The following TRAF1 variants were observed in gnomAD, a reference collection of about 807,000 sequenced individuals.
The protein encoded by TRAF1 is TNF receptor-associated factor 1.
A neutral mutation model predicts 40.9 loss-of-function variants in TRAF1; 23 were observed. That is an observed-to-expected ratio of 0.56 (90% CI 0.40 to 0.80). TRAF1 has a LOEUF of 0.80. TRAF1 is among the 30% of genes least tolerant of loss of function. The pLI, the probability that TRAF1 is intolerant of heterozygous loss-of-function variation, is 0.00. For missense variants in TRAF1, 477 were observed against 528.7 expected (o/e 0.90, Z 0.96); for synonymous variants, 206 against 218.8 (o/e 0.94, Z 0.52).
chr9:120,911,257 G>C, intron 6 of TRAF1, 79 bp downstream of exon 6: 1 of 1,489,286 alleles, frequency 6.7e-7, no homozygotes, highest in East Asian at 2.4e-5. Flanking sequence ...CACAGAGCTG[G>C]CAGTTTTCAC....
intron 3 of TRAF1, among the ~76,000 whole-genome samples, chr9:120,919,397 C>T (rs1446815028): frequency 6.6e-6 from 1 of 152,104 alleles, no homozygotes; most frequent in Non-Finnish European, 1.5e-5. Context: ...CACAGTGGGC[C>T]CTAGCGGGGG....
Position 120,911,353 on chromosome 9 carries a change from A to T in TRAF1, c.866T>A (p.Val289Asp), listed in dbSNP as rs763900784. The change falls in exon 6 of 8, where the codon GTC becomes GAC. Residue 289 changes from valine to aspartate, a missense_variant. Physicochemically the swap from Val to Asp is radical, Grantham distance 152. Coordinates refer to ENST00000373887, the MANE Select transcript of TRAF1 (RefSeq NM_005658.5). ...GGTGTTACCTGGGGAGAAGAGGCTGACGGTCCTGCCACAGGCCGACTCATG... is the reference window on the plus strand; with the variant it reads ...GGTGTTACCTGGGGAGAAGAGGCTGTCGGTCCTGCCACAGGCCGACTCATG... ...RCHESACGRT[V>D]SLFSPAFYTA... 6.2e-7 allele frequency: 1 copy of T among 1,613,306 alleles called. No individual in the cohort carries two copies. The highest frequency in any genetic ancestry group is 1.1e-5 in the South Asian group (1 of 91,082).
At position 120,904,962 on chromosome 9, in the gene TRAF1, C is replaced by T. The variant is rs544794951; in HGVS notation, c.*58G>A. On this transcript the variant is annotated 3_prime_UTR_variant, in exon 8 of 8. Coordinates refer to ENST00000373887, the MANE Select transcript of TRAF1 (RefSeq NM_005658.5). ...GTCTTGGGTGCCAAGGGCAGGGCAT[C>T]ACAGTCCTCTGGCTAGCTCCCTTCT... The T allele has an allele frequency of 6.5e-7, 1 of 1,536,468 alleles. No homozygotes were observed. Among genetic ancestry groups the T allele is most frequent in the African/African-American group, 1.4e-5 (1 of 73,504 alleles).
chr9:120,921,666 C>T (rs2046606385), intron 3 of TRAF1, among the ~76,000 whole-genome samples: 1 of 151,950 alleles, frequency 6.6e-6, no homozygotes, highest in South Asian at 2.1e-4. Context: ...TAACTCTTAC[C>T]ACGTTGCAGA....
Position 120,909,371 on chromosome 9 carries a change from G to A in TRAF1, c.891C>T (p.Tyr297=), listed in dbSNP as rs1489689800. The A allele has an allele frequency of 6.2e-7, 1 of 1,613,850 alleles. No individual in the cohort carries two copies. Among genetic ancestry groups the A allele is most frequent in the Admixed American group, 1.7e-5 (1 of 60,020 alleles). ...RTVSLFSPAF[Y]TAKYGYKLCL... is the part of the protein sequence containing the mutation. ...ACAACTTGTAGCCATACTTGGCAGT[G>A]TAGAAGGCTGAAACGCAGAAGCCAG... Residue 297 remains tyrosine, a synonymous_variant, in exon 7 of 8, where the codon TAC becomes TAT. Coordinates refer to ENST00000373887, the MANE Select transcript of TRAF1 (RefSeq NM_005658.5).
chr9:120,922,555 C>T (rs1208603782), intron 3 of TRAF1, among the ~76,000 whole-genome samples: 2 of 152,176 alleles, frequency 1.3e-5, no homozygotes, highest in Non-Finnish European at 1.5e-5. Flanking sequence ...GTCCTTCCAG[C>T]TTGGGAGGGC....
chr9:120,922,906 T>C, intron 3 of TRAF1, among the ~76,000 whole-genome samples: 1 of 152,162 alleles, frequency 6.6e-6, no homozygotes. Flanking sequence ...GGCACGATCA[T>C]GGTTCACTGC....
Position 120,923,354 on chromosome 9 carries a change from G to C in TRAF1, c.228+351C>G, listed in dbSNP as rs41535450. Among the ~76,000 whole-genome samples, 1,467 of 152,242 alleles carry C rather than the reference G, an allele frequency of 9.6e-3. 27 individuals are homozygous for C. Among genetic ancestry groups the C allele is most frequent in the African/African-American group, 0.033 (1,385 of 41,526 alleles). On this transcript the variant is annotated intron_variant, in intron 3 of 7. Coordinates refer to ENST00000373887, the MANE Select transcript of TRAF1 (RefSeq NM_005658.5). ...TGGCCTCACAGCCTCGAGAATTACA[G>C]GTCATTATGCATGGCCTATCATTCT...
At chr9:120,920,042 T>G (rs141552487) in intron 3 of TRAF1, among the ~76,000 whole-genome samples, 34 of 152,200 alleles carry the variant, frequency 2.2e-4, no homozygotes, top group African/African-American at 8.2e-4. Flanking sequence ...TGTCACAGGA[T>G]CGGGGCGATT....
intron 7 of TRAF1, among the ~76,000 whole-genome samples, chr9:120,907,071 T>C (rs2046488725): frequency 6.6e-6 from 1 of 152,102 alleles, no homozygotes; most frequent in Non-Finnish European, 1.5e-5. Flanking sequence ...GGTTTCGTTA[T>C]GGCTGGCCTC....
chr9:120,909,254 C>T lies in TRAF1; in HGVS notation c.1008G>A (p.Leu336=). 5 of 1,614,108 alleles carry T rather than the reference C, an allele frequency of 3.1e-6. No homozygotes were observed. The highest frequency in any genetic ancestry group is 2.2e-5 in the South Asian group (2 of 91,072). The part of the protein sequence containing the change: ...IVIMRGEYDA[L]LPWPFRNKVT... The stretch of plus-strand genomic sequence containing the variant: ...CCTTGTTCCGGAAGGGCCACGGCAG[C>T]AGCGCATCATACTCCCCTCTCATGA... The change falls in exon 7 of 8, where the codon CTG becomes CTA. Residue 336 remains leucine (L), a synonymous_variant. Transcript: ENST00000373887.
rs368308606 is a variant in TRAF1, at chr9:120,920,522, G to C, written c.228+3183C>G. Among the ~76,000 whole-genome samples the C allele has an allele frequency of 3.9e-5, 6 of 152,254 alleles. No individual in the cohort carries two copies. The South Asian group carries it at 8.3e-4, about 21-fold the overall frequency. ...TTTGACCTTCTTGAATGGGCCTCAGGGGGAGGGGGTGGGAGAAACAATCCC... is the reference window on the plus strand; with the variant it reads ...TTTGACCTTCTTGAATGGGCCTCAGCGGGAGGGGGTGGGAGAAACAATCCC... On this transcript the variant is annotated intron_variant, in intron 3 of 7. Coordinates refer to ENST00000373887, the MANE Select transcript of TRAF1 (RefSeq NM_005658.5).
At chr9:120,922,879 C>T (rs530472062) in intron 3 of TRAF1, among the ~76,000 whole-genome samples, 3 of 152,020 alleles carry the variant, frequency 2.0e-5, no homozygotes, top group Non-Finnish European at 4.4e-5. Context: ...ATTCTGCTAC[C>T]CAGGCTGGAG....
At chr9:120,927,309 G>A (rs752834536), upstream of TRAF1, 3 of 152,136 alleles carry the variant, frequency 2.0e-5, no homozygotes, top group Admixed American at 2.0e-4. Context: ...CTTTCACAGT[G>A]GTTTCAGATC....
chr9:120,914,211 C>G (rs1163764609), intron 4 of TRAF1, 24 bp downstream of exon 4: 2 of 1,492,664 alleles, frequency 1.3e-6, no homozygotes, highest in Non-Finnish European at 1.8e-6. Flanking sequence ...GGATAGATCT[C>G]CTTTCTCACA....
Position 120,926,092 on chromosome 9 carries a change from G to A in TRAF1, c.-17C>T, listed in dbSNP as rs2046638899. ...GGAGGCCATCTCAGGGTTCCAGGCT[G>A]GCCAGAGGGCCTGTTTAAGTTGCTC... On this transcript the variant is annotated 5_prime_UTR_variant, in exon 2 of 8. Coordinates refer to ENST00000373887, the MANE Select transcript of TRAF1 (RefSeq NM_005658.5). The A allele has an allele frequency of 6.5e-7, 1 of 1,547,126 alleles. No individual in the cohort carries two copies.
intron 6 of TRAF1, among the ~76,000 whole-genome samples, chr9:120,910,443 T>C (rs1455029044): frequency 6.6e-6 from 1 of 152,134 alleles, no homozygotes; most frequent in Non-Finnish European, 1.5e-5. Context: ...CTTTGTTGCC[T>C]GGACTGGAGT....
chr9:120,925,049 C>T (rs984773199), intron 2 of TRAF1, among the ~76,000 whole-genome samples: 5 of 152,264 alleles, frequency 3.3e-5, no homozygotes, highest in African/African-American at 7.2e-5. Context: ...GGCCTTTCCA[C>T]GGCCACAGCC....
chr9:120,913,827 G>A, intron 4 of TRAF1, 89 bp from the exon 5 acceptor site: 2 of 1,410,478 alleles, frequency 1.4e-6, no homozygotes, highest in Non-Finnish European at 1.9e-6. Flanking sequence ...AGGTCACCAA[G>A]GATTATTCAT....
Sources: gnomAD v4.1 joint callset for allele counts (sites outside exome capture counted in the v4.1 genomes callset) on GRCh38, gnomAD v4.1.1 for gene constraint, MANE v1.5 for transcripts, NCBI Gene and HGNC (gene_info 2026-07-23, HGNC 2026-07-21) for gene names.